CLIP4: variants seen among roughly 807,000 people sequenced by gnomAD.
CLIP4 encodes the protein CAP-Gly domain-containing linker protein 4.
In CLIP4, 47 loss-of-function variants were observed where a neutral mutation model predicts 73.1. The ratio of observed to expected loss-of-function variants is 0.64; its 90% CI spans 0.51 to 0.82. CLIP4 has a LOEUF of 0.82. Ranked by LOEUF, CLIP4 falls within the 40% of genes least tolerant of loss-of-function variation. The pLI, the probability that CLIP4 is intolerant of heterozygous loss-of-function variation, is 0.00. For synonymous variants in CLIP4, 306 were observed against 295.4 expected, an observed-to-expected ratio of 1.04 and a Z score of -0.37; for missense variants, 874 against 852.9, an observed-to-expected ratio of 1.02 and a Z score of -0.31.
chr2:29,131,511 A>G, intron 3 of CLIP4, 114 bp downstream of exon 3: 1 of 1,137,950 alleles, frequency 8.8e-7, no homozygotes, highest in Non-Finnish European at 1.2e-6. Flanking sequence ...AAAAGTTCTG[A>G]TATTTATTTG....
At position 29,182,013 on chromosome 2, in the gene CLIP4, A is replaced by T; in HGVS notation, c.*120A>T. On this transcript the variant is annotated 3_prime_UTR_variant, in exon 16 of 16. Transcript: ENST00000320081. ...TTGAAAATATAGTTATCTTCTTAAA[A>T]ACCATTATAACAATTCAGAGAGAGT... is the stretch of plus-strand genomic sequence containing the variant. 1.3e-6 allele frequency: 1 copy of T among 757,730 alleles called. No individual in the cohort carries two copies. Among genetic ancestry groups the T allele is most frequent in the Non-Finnish European group, 2.0e-6 (1 of 493,112 alleles). 46.9% of individuals were successfully genotyped at this position (757,730 alleles called of 1,614,324 possible). A position where few individuals can be genotyped will look rare whatever the true frequency, so the allele number is the denominator to read the frequency against.
intron 1 of CLIP4, among the ~76,000 whole-genome samples, chr2:29,117,551 C>T (rs1054171712): frequency 5.3e-5 from 8 of 152,272 alleles, no homozygotes; most frequent in Admixed American, 2.0e-4. Context: ...AGGGTGGTCT[C>T]GAACTCCTGA....
chr2:29,133,035 A>T (rs767688107), intron 4 of CLIP4, among the ~76,000 whole-genome samples: 8 of 152,212 alleles, frequency 5.3e-5, no homozygotes, highest in Middle Eastern at 3.4e-3. Flanking sequence ...AAAAAATTAA[A>T]AAATTAGCCA....
At chr2:29,148,441 A>T (rs931888400) in intron 8 of CLIP4, among the ~76,000 whole-genome samples, 1 of 152,188 alleles carries the variant, frequency 6.6e-6, no homozygotes, top group Non-Finnish European at 1.5e-5. Context: ...GTAGAAAATG[A>T]TAAGTTTTAA....
intron 2 of CLIP4, among the ~76,000 whole-genome samples, chr2:29,125,649 C>T (rs1233164057): frequency 6.6e-6 from 1 of 152,114 alleles, no homozygotes; most frequent in South Asian, 2.1e-4. Context: ...CTGGAGACTC[C>T]CTCAAGGCAG....
chr2:29,179,555 C>T (rs913910515), intron 15 of CLIP4, among the ~76,000 whole-genome samples: 3 of 152,170 alleles, frequency 2.0e-5, no homozygotes, highest in Non-Finnish European at 4.4e-5. Flanking sequence ...TCAGATTCTT[C>T]TTCCATTATA....
intron 8 of CLIP4, among the ~76,000 whole-genome samples, chr2:29,146,303 T>C (rs1666161419): frequency 6.6e-6 from 1 of 152,142 alleles, no homozygotes; most frequent in Non-Finnish European, 1.5e-5. Context: ...AGGGAGGGAC[T>C]TGGTTATCAA....
At chr2:29,181,490 C>G (rs886609093) in intron 15 of CLIP4, 82 bp from the exon 16 acceptor site, 1 of 1,114,704 alleles carries the variant, frequency 9.0e-7, no homozygotes, top group Non-Finnish European at 1.3e-6. Context: ...AATTCTGAAT[C>G]TGGCAGTGGA....
At chr2:29,176,611 T>C (rs1354253085) in intron 15 of CLIP4, among the ~76,000 whole-genome samples, 1 of 152,164 alleles carries the variant, frequency 6.6e-6, no homozygotes, top group East Asian at 1.9e-4. Flanking sequence ...TTCAGAACAC[T>C]GTATGTCCAG....
chr2:29,136,487 T>C (rs1558534708), intron 6 of CLIP4, among the ~76,000 whole-genome samples: 1 of 152,058 alleles, frequency 6.6e-6, no homozygotes, highest in Non-Finnish European at 1.5e-5. Flanking sequence ...ACTGGGAGAA[T>C]ACTACAATAA....
intron 7 of CLIP4, among the ~76,000 whole-genome samples, chr2:29,144,610 G>A (rs1318800721): frequency 1.3e-5 from 2 of 151,664 alleles, no homozygotes; most frequent in Admixed American, 6.6e-5. Flanking sequence ...GTAGGCATAC[G>A]TGTGCCATGG....
At chr2:29,157,706 A>G (rs1341587698) in intron 11 of CLIP4, among the ~76,000 whole-genome samples, 2 of 152,212 alleles carry the variant, frequency 1.3e-5, no homozygotes, top group Non-Finnish European at 2.9e-5. Context: ...AGAAGGTCAG[A>G]GGGTCCTCTC....
At chr2:29,123,901 G>A (rs1463618330) in intron 2 of CLIP4, among the ~76,000 whole-genome samples, 2 of 152,160 alleles carry the variant, frequency 1.3e-5, no homozygotes, top group African/African-American at 2.4e-5. Flanking sequence ...TACTGTTCTT[G>A]CATAACAATT....
intron 2 of CLIP4, among the ~76,000 whole-genome samples, chr2:29,130,294 G>A (rs924543843): frequency 6.6e-6 from 1 of 152,162 alleles, no homozygotes; most frequent in Non-Finnish European, 1.5e-5. Flanking sequence ...TAAATATTAA[G>A]TTAGTAAAAA....
chr2:29,104,907 C>T (rs1330871831), intron 1 of CLIP4, among the ~76,000 whole-genome samples: 2 of 152,166 alleles, frequency 1.3e-5, no homozygotes, highest in East Asian at 3.9e-4. Context: ...CTAGGACGAG[C>T]GGGGTGCAAG....
intron 8 of CLIP4, among the ~76,000 whole-genome samples, chr2:29,147,596 TTG>T (rs1294142223): frequency 6.6e-6 from 1 of 152,184 alleles, no homozygotes; most frequent in East Asian, 1.9e-4. Flanking sequence ...ATACAAATAA[TTG>T]TACCTATTTA....
intron 2 of CLIP4, among the ~76,000 whole-genome samples, chr2:29,128,067 C>CATATTTGACA (rs1206579056): frequency 6.6e-6 from 1 of 152,038 alleles, no homozygotes; most frequent in Non-Finnish European, 1.5e-5. Context: ...CAATGCTTCT[C>CATATTTGACA]ATGCAGTGTA....
chr2:29,162,826 A>AT (rs2148060593), intron 12 of CLIP4, among the ~76,000 whole-genome samples: 1 of 152,280 alleles, frequency 6.6e-6, no homozygotes, highest in East Asian at 1.9e-4. Flanking sequence ...TACATAGAGG[A>AT]AAAAAATTAA....
chr2:29,180,138 G>T (rs1169429638), intron 15 of CLIP4, among the ~76,000 whole-genome samples: 1 of 152,314 alleles, frequency 6.6e-6, no homozygotes, highest in East Asian at 1.9e-4. Flanking sequence ...AATATCCTGT[G>T]GGGTAGGGAG....
Sources: gnomAD v4.1 joint callset for allele counts (sites outside exome capture counted in the v4.1 genomes callset) on GRCh38, gnomAD v4.1.1 for gene constraint, MANE v1.5 for transcripts, NCBI Gene and HGNC (gene_info 2026-07-23, HGNC 2026-07-21) for gene names.